Variants in TPO observed in about 807,000 individuals in gnomAD.
TPO encodes thyroid microsomal antigen.
Under a neutral mutation model 96.9 loss-of-function variants are expected in TPO, and 78 were observed. That is an observed-to-expected ratio of 0.81 (90% confidence interval 0.67 to 0.97). The LOEUF (loss-of-function observed/expected upper bound fraction) is 0.97, where lower values mean the gene tolerates loss of function less well. Among genes scored for constraint, TPO ranks in the 50% least tolerant of loss-of-function variants. TPO has a pLI of 0.00. For synonymous variants in TPO, 547 were observed against 538.0 expected (o/e 1.02, Z -0.23); for missense variants, 1,252 against 1,274.8 (o/e 0.98, Z 0.27).
chr2:1,434,324 C>A (rs1429691325), intron 4 of TPO, among the ~76,000 whole-genome samples: 1 of 152,166 alleles, frequency 6.6e-6, no homozygotes, highest in Non-Finnish European at 1.5e-5. Flanking sequence ...CCTCTGAGTT[C>A]TTCCTTCTAA....
intron 7 of TPO, among the ~76,000 whole-genome samples, chr2:1,470,058 A>G (rs139579870): frequency 9.8e-5 from 15 of 152,318 alleles, no homozygotes; most frequent in African/African-American, 3.6e-4. Flanking sequence ...CTCTGCAGCA[A>G]TGAGATGGCG....
At chr2:1,451,289 T>C (rs1435464442) in intron 5 of TPO, among the ~76,000 whole-genome samples, 4 of 152,204 alleles carry the variant, frequency 2.6e-5, no homozygotes, top group Non-Finnish European at 5.9e-5. Context: ...AGAACCTTAG[T>C]CCTTTCATTC....
intron 1 of TPO, among the ~76,000 whole-genome samples, chr2:1,407,135 C>T (rs1421299049): frequency 2.0e-5 from 3 of 152,114 alleles, no homozygotes; most frequent in Admixed American, 2.0e-4. Flanking sequence ...ACGTTTCCAC[C>T]GGGTTTACCA....
At chr2:1,527,489 GT>G (rs1405866796) in intron 15 of TPO, among the ~76,000 whole-genome samples, 1 of 131,626 alleles carries the variant, frequency 7.6e-6, no homozygotes, top group Non-Finnish European at 1.6e-5. Context: ...CCCCCCATCT[GT>G]GTGCGACCTC....
intron 5 of TPO, among the ~76,000 whole-genome samples, chr2:1,448,895 G>A (rs1298685974): frequency 6.6e-6 from 1 of 152,140 alleles, no homozygotes; most frequent in Admixed American, 6.5e-5. Context: ...ACTCAAGCCG[G>A]GACTGGGTTC....
chr2:1,480,409 T>G (rs922991579), intron 8 of TPO, among the ~76,000 whole-genome samples: 6 of 152,180 alleles, frequency 3.9e-5, no homozygotes, highest in African/African-American at 1.4e-4. Flanking sequence ...AGCCTCATTT[T>G]TCTCTCCCTG....
intron 5 of TPO, among the ~76,000 whole-genome samples, chr2:1,440,605 T>C (rs1026743688): frequency 2.0e-5 from 3 of 152,156 alleles, no homozygotes; most frequent in East Asian, 1.9e-4. Flanking sequence ...TTCTTGTTTG[T>C]ATGAAGTGGT....
chr2:1,398,685 T>A (rs1302582099), intron 1 of TPO, among the ~76,000 whole-genome samples: 1 of 152,198 alleles, frequency 6.6e-6, no homozygotes, highest in African/African-American at 2.4e-5. Flanking sequence ...AAGCCCTGGT[T>A]TCCTCCTGCA....
At position 1,376,640 on chromosome 2, in the gene TPO, G is replaced by A. The variant is rs866927191; in HGVS notation, n.180+2238G>A. Among the ~76,000 whole-genome samples the A allele has an allele frequency of 4.6e-5, 7 of 152,112 alleles. No individual in the cohort carries two copies. In the South Asian group the frequency reaches 1.2e-3, roughly 27 times the overall value. ...ACAGCACCCCCAGTCCAGTCCACAC[G>A]GATGAGGCAGGGCAGGAGATTCACC... On this transcript the variant is annotated intron_variant and non_coding_transcript_variant, in intron 1 of 5. Coordinates refer to the TPO transcript ENST00000497517.
At position 1,487,505 on chromosome 2, in the gene TPO, C is replaced by A. The variant is rs28911481; in HGVS notation, c.1598-316C>A. ...ATCCCAGCACTTTGGGAGGCCGAGG[C>A]AGGCAGATCACCAGGTCAGGAGATT... is the stretch of plus-strand genomic sequence containing the variant. On this transcript the variant is annotated intron_variant, in intron 9 of 16. Transcript: ENST00000329066. 8.8e-3 allele frequency among the ~76,000 whole-genome samples: 1,333 copies of A among 152,252 alleles called. 24 individuals carry two copies. Among genetic ancestry groups the A allele is most frequent in the African/African-American group, 0.031 (1,273 of 41,516 alleles).
chr2:1,448,381 G>A (rs2148558801), intron 5 of TPO, among the ~76,000 whole-genome samples: 1 of 152,252 alleles, frequency 6.6e-6, no homozygotes, highest in Non-Finnish European at 1.5e-5. Context: ...GAGCCCTCCC[G>A]ACCCGAGGGT....
intron 14 of TPO, among the ~76,000 whole-genome samples, chr2:1,504,985 G>A (rs1292189913): frequency 6.6e-6 from 1 of 152,308 alleles, no homozygotes; most frequent in East Asian, 1.9e-4. Flanking sequence ...AGAGGGGTCA[G>A]TGCAAAACGC....
chr2:1,539,346 C>T (rs1401514780), intron 15 of TPO, among the ~76,000 whole-genome samples: 1 of 152,184 alleles, frequency 6.6e-6, no homozygotes, highest in Non-Finnish European at 1.5e-5. Context: ...AATGAGAAAA[C>T]TGAGATGCGG....
At chr2:1,527,148 C>G (rs1225584550) in intron 15 of TPO, among the ~76,000 whole-genome samples, 8 of 132,744 alleles carry the variant, frequency 6.0e-5, no homozygotes, top group Admixed American at 3.1e-4. Flanking sequence ...CTCCTCAAAT[C>G]CCCCCACTCT....
chr2:1,495,414 G>C (rs1265593692), intron 11 of TPO, among the ~76,000 whole-genome samples: 1 of 152,162 alleles, frequency 6.6e-6, no homozygotes, highest in Non-Finnish European at 1.5e-5. Context: ...TCTTCACATT[G>C]CAATTTTTCT....
upstream of TPO, among the ~76,000 whole-genome samples, chr2:1,408,645 G>A (rs530783974): frequency 7.5e-4 from 114 of 152,296 alleles, no homozygotes; most frequent in African/African-American, 2.5e-3. Context: ...TAGCAGAGGC[G>A]GAAGAGCCGC....
intron 15 of TPO, among the ~76,000 whole-genome samples, chr2:1,530,946 C>A (rs1311566813): frequency 9.6e-6 from 1 of 103,948 alleles, no homozygotes; most frequent in Admixed American, 1.1e-4. Flanking sequence ...AATCCCCCCA[C>A]TATGTGCGAC....
At chr2:1,502,370 T>C (rs938330) in intron 13 of TPO, among the ~76,000 whole-genome samples, 53,331 of 152,012 alleles carry the variant, frequency 0.35, 9,385 homozygotes, top group South Asian at 0.45. Context: ...TCCCTTGAAA[T>C]TTCTTGACCC....
chr2:1,384,887 T>A (rs1661865681), intron 1 of TPO, among the ~76,000 whole-genome samples: 1 of 152,238 alleles, frequency 6.6e-6, no homozygotes, highest in Admixed American at 6.5e-5. Context: ...ATACATCCCA[T>A]CAATACCTAA....
Sources: gnomAD v4.1 joint callset for allele counts (sites outside exome capture counted in the v4.1 genomes callset) on GRCh38, gnomAD v4.1.1 for gene constraint, MANE v1.5 for transcripts, NCBI Gene and HGNC (gene_info 2026-07-23, HGNC 2026-07-21) for gene names.